The following UNC13C variants were observed in gnomAD, a reference collection of about 807,000 sequenced individuals.
The protein encoded by UNC13C is protein unc-13 homolog C.
UNC13C carries 174 observed loss-of-function variants against 245.4 expected under a neutral mutation model. That is an observed-to-expected ratio of 0.71 (90% CI 0.63 to 0.80). The LOEUF (loss-of-function observed/expected upper bound fraction) is 0.80, where lower values mean the gene tolerates loss of function less well. Among genes scored for constraint, UNC13C ranks in the 30% least tolerant of loss-of-function variants. The pLI is 0.00. For synonymous variants in UNC13C, 992 were observed against 895.1 expected (o/e 1.11, Z -1.93); for missense variants, 2,829 against 2,602.9 (o/e 1.09, Z -1.89).
At chr15:54,127,104 G>T (rs1372182249) in intron 2 of UNC13C, among the ~76,000 whole-genome samples, 1 of 152,178 alleles carries the variant, frequency 6.6e-6, no homozygotes, top group African/African-American at 2.4e-5. Context: ...TACACTGTTG[G>T]TGGGAAAGTA....
In UNC13C at chr15:53,999,833, G is replaced by C. The variant is rs564436967; in HGVS notation, c.-256-12815G>C. On this transcript the variant is annotated intron_variant, in intron 1 of 32. Transcript: ENST00000260323. Reference sequence around the variant, plus strand: ...TGTTGTTTAACTTTAAAAGATAGCTGTGGAGATGGAGTGTTTATAGATATT... The same window carrying C: ...TGTTGTTTAACTTTAAAAGATAGCTCTGGAGATGGAGTGTTTATAGATATT... 1.2e-3 allele frequency among the ~76,000 whole-genome samples: 183 copies of C among 152,118 alleles called. 1 individual carries two copies. Among genetic ancestry groups the C allele is most frequent in the Non-Finnish European group, 2.0e-3 (133 of 67,916 alleles).
At chr15:53,904,287 A>T in the UNC13C span, among the ~76,000 whole-genome samples, 1 of 152,082 alleles carries the variant, frequency 6.6e-6, no homozygotes, top group Admixed American at 6.6e-5. Context: ...TTTTAACTTT[A>T]CTCATTTTTT....
rs76386645 is a variant in UNC13C at position 54,252,106 on chromosome 15, G to A, written c.3448+1662G>A. Among the ~76,000 whole-genome samples the A allele has an allele frequency of 1.0e-3, 156 of 152,206 alleles. 1 individual carries two copies. In the East Asian group the frequency reaches 0.019, roughly 18 times the overall value. On this transcript the variant is annotated intron_variant, in intron 8 of 32. Transcript: ENST00000260323. ...CCCAACTGTTTAAAAAGTGAATTGC[G>A]TATAGGCATCTTAAGAAATAAGCAT...
chr15:54,322,822 A>G (rs1259218216), intron 14 of UNC13C, among the ~76,000 whole-genome samples: 1 of 152,010 alleles, frequency 6.6e-6, no homozygotes, highest in Non-Finnish European at 1.5e-5. Flanking sequence ...GAGATGGAGA[A>G]GAGAGGATAG....
At chr15:53,874,108 T>G in the UNC13C span, among the ~76,000 whole-genome samples, 1 of 152,088 alleles carries the variant, frequency 6.6e-6, no homozygotes, top group African/African-American at 2.4e-5. Flanking sequence ...ACTGAGTAGC[T>G]GGGACTATGG....
chr15:54,196,401 C>A (rs901836162), intron 4 of UNC13C, among the ~76,000 whole-genome samples: 7 of 151,448 alleles, frequency 4.6e-5, no homozygotes, highest in Admixed American at 1.3e-4. Context: ...GAGATCCCTG[C>A]AAAAAGTGGG....
chr15:54,227,869 C>T (rs1170571990), intron 4 of UNC13C, among the ~76,000 whole-genome samples: 6 of 152,242 alleles, frequency 3.9e-5, no homozygotes, highest in Admixed American at 1.3e-4. Context: ...CCTATGTTCA[C>T]TTAAGGCCCT....
intron 19 of UNC13C, among the ~76,000 whole-genome samples, chr15:54,452,639 G>T (rs1567285817): frequency 6.6e-6 from 1 of 152,194 alleles, no homozygotes; most frequent in South Asian, 2.1e-4. Flanking sequence ...TCCCCATGGT[G>T]CATAGAGGTT....
intron 2 of UNC13C, among the ~76,000 whole-genome samples, chr15:54,075,464 GCCGGA>G (rs1566993440): frequency 2.1e-5 from 3 of 145,144 alleles, no homozygotes; most frequent in African/African-American, 7.6e-5. Flanking sequence ...CTTGCAGTGA[GCCGGA>G]GCTTGCAGTG....
chr15:54,437,548 G>A (rs1890287877), intron 19 of UNC13C, among the ~76,000 whole-genome samples: 1 of 151,800 alleles, frequency 6.6e-6, no homozygotes, highest in African/African-American at 2.4e-5. Context: ...ATTTCTTCAG[G>A]ATTGAGCCAT....
At chr15:54,375,826 G>C (rs948916037) in intron 17 of UNC13C, among the ~76,000 whole-genome samples, 2 of 152,220 alleles carry the variant, frequency 1.3e-5, no homozygotes, top group Admixed American at 6.5e-5. Flanking sequence ...ACATAGAGCA[G>C]AAGACCCAGC....
chr15:53,852,791 T>C, the UNC13C span, among the ~76,000 whole-genome samples: 31 of 152,308 alleles, frequency 2.0e-4, no homozygotes, highest in African/African-American at 6.5e-4. Flanking sequence ...TTTAGTTTTC[T>C]AATTATGGCA....
intron 19 of UNC13C, among the ~76,000 whole-genome samples, chr15:54,460,539 C>G (rs988007467): frequency 1.3e-5 from 2 of 152,194 alleles, no homozygotes; most frequent in African/African-American, 4.8e-5. Context: ...GGAAGTGGCA[C>G]TTTCAAGAGA....
At chr15:53,920,440 G>C in the UNC13C span, among the ~76,000 whole-genome samples, 81 of 152,266 alleles carry the variant, frequency 5.3e-4, 1 homozygote, top group East Asian at 0.01. Context: ...TGTAATCTCA[G>C]CTACTTGGCA....
chr15:53,927,444 G>A, the UNC13C span, among the ~76,000 whole-genome samples: 1 of 152,188 alleles, frequency 6.6e-6, no homozygotes, highest in Non-Finnish European at 1.5e-5. Context: ...GGATATGTTT[G>A]GAGATAGAAT....
rs1900266099 is a variant in UNC13C, at chr15:54,613,962, C to T, written c.6107-8365C>T. Among the ~76,000 whole-genome samples the T allele has an allele frequency of 4.6e-5, 7 of 152,014 alleles. No homozygotes were observed. The South Asian group carries it at 1.4e-3, about 31-fold the overall frequency. ...CAGAAGTGCTTGAAGAAAAATAAAA[C>T]AGGGTAAGAACTCCAGCCCCATTTC... On this transcript the variant is annotated intron_variant, in intron 30 of 32. Transcript: ENST00000260323.
At chr15:54,352,498 C>T (rs951929255) in intron 17 of UNC13C, among the ~76,000 whole-genome samples, 2 of 151,572 alleles carry the variant, frequency 1.3e-5, no homozygotes, top group Non-Finnish European at 2.9e-5. Context: ...TAGACATAGT[C>T]TCTTTTATTA....
At chr15:54,010,922 G>A (rs574041528) in intron 1 of UNC13C, among the ~76,000 whole-genome samples, 10 of 152,146 alleles carry the variant, frequency 6.6e-5, no homozygotes, top group Non-Finnish European at 1.2e-4. Context: ...GCTAGGTTCT[G>A]GATGGGGTTT....
At chr15:54,449,500 C>A (rs1891041870) in intron 19 of UNC13C, among the ~76,000 whole-genome samples, 1 of 152,136 alleles carries the variant, frequency 6.6e-6, no homozygotes, top group South Asian at 2.1e-4. Context: ...CTCTAAACTT[C>A]TCTTCTCGCT....
Sources: allele counts gnomAD v4.1 joint callset (sites outside exome capture counted in the v4.1 genomes callset), GRCh38; gene constraint gnomAD v4.1.1; transcripts MANE v1.5; gene names NCBI Gene and HGNC (gene_info 2026-07-23, HGNC 2026-07-21).